Variants in TMEM131 observed in about 807,000 individuals in gnomAD.
The protein encoded by TMEM131 is transmembrane protein 131.
TMEM131 carries 66 observed loss-of-function variants against 211.6 expected under a neutral mutation model. The ratio of observed to expected loss-of-function variants is 0.31; its 90% CI spans 0.26 to 0.38. The LOEUF (loss-of-function observed/expected upper bound fraction) is 0.38. TMEM131 is among the 10% of genes least tolerant of loss of function. TMEM131 has a pLI of 1.00. For missense variants in TMEM131, 2,036 were observed against 2,299.3 expected, an observed-to-expected ratio of 0.89 and a Z score of 2.34; for synonymous variants, 844 against 841.3, an observed-to-expected ratio of 1.00 and a Z score of -0.06.
intron 1 of TMEM131, among the ~76,000 whole-genome samples, chr2:97,977,040 A>G (rs1455473951): frequency 6.6e-6 from 1 of 152,020 alleles, no homozygotes; most frequent in Non-Finnish European, 1.5e-5. Flanking sequence ...ACAGATCTAA[A>G]TGAAAGACCT....
At chr2:97,868,147 T>C (rs1027207407) in intron 4 of TMEM131, among the ~76,000 whole-genome samples, 4 of 152,184 alleles carry the variant, frequency 2.6e-5, no homozygotes, top group African/African-American at 9.7e-5. Flanking sequence ...AATTAACCCC[T>C]CTATATTTAT....
At chr2:97,905,905 C>A (rs1334024685) in intron 3 of TMEM131, among the ~76,000 whole-genome samples, 1 of 152,142 alleles carries the variant, frequency 6.6e-6, no homozygotes, top group Non-Finnish European at 1.5e-5. Context: ...ATCCTCTGGC[C>A]GTTAAACACA....
chr2:97,903,828 C>T (rs1406299627), intron 3 of TMEM131, among the ~76,000 whole-genome samples: 3 of 151,940 alleles, frequency 2.0e-5, no homozygotes, highest in East Asian at 1.9e-4. Context: ...GGATTACAGG[C>T]GCATTTTGTA....
At chr2:97,796,025 C>T (rs1238715160) in intron 28 of TMEM131, among the ~76,000 whole-genome samples, 193 bp downstream of exon 28, 1 of 150,740 alleles carries the variant, frequency 6.6e-6, no homozygotes, top group Non-Finnish European at 1.5e-5. Flanking sequence ...ATGCCTTAAC[C>T]AAAGATTAAG....
At chr2:97,979,979 C>T (rs1223769978) in intron 1 of TMEM131, among the ~76,000 whole-genome samples, 2 of 152,102 alleles carry the variant, frequency 1.3e-5, no homozygotes, top group African/African-American at 2.4e-5. Flanking sequence ...CTATTTAGTA[C>T]TACTAATTGT....
intron 4 of TMEM131, among the ~76,000 whole-genome samples, chr2:97,884,835 C>A (rs1237116336): frequency 1.3e-5 from 2 of 152,170 alleles, no homozygotes; most frequent in South Asian, 2.1e-4. Flanking sequence ...TTCTTACAGG[C>A]AGTATATAGT....
intron 3 of TMEM131, among the ~76,000 whole-genome samples, chr2:97,903,318 A>G (rs1220704045): frequency 6.6e-6 from 1 of 152,104 alleles, no homozygotes; most frequent in Non-Finnish European, 1.5e-5. Flanking sequence ...TGATGGTGAA[A>G]TACCTGGATA....
At chr2:97,786,940 A>C (rs1680278232) in intron 31 of TMEM131, among the ~76,000 whole-genome samples, 1 of 152,210 alleles carries the variant, frequency 6.6e-6, no homozygotes, top group African/African-American at 2.4e-5. Context: ...TTTCCTTCAG[A>C]ACTATATGAC....
intron 1 of TMEM131, among the ~76,000 whole-genome samples, chr2:97,956,955 G>A (rs954980108): frequency 8.6e-5 from 13 of 151,962 alleles, no homozygotes; most frequent in Non-Finnish European, 1.2e-4. Context: ...AAAATTAGCC[G>A]GTGTGGTGGC....
chr2:97,832,871 G>A (rs1682775092), intron 11 of TMEM131, among the ~76,000 whole-genome samples: 1 of 152,108 alleles, frequency 6.6e-6, no homozygotes, highest in Non-Finnish European at 1.5e-5. Context: ...AGTTTATAAT[G>A]TGCTGCCTAC....
At chr2:97,990,087 G>A (rs1277223711) in intron 1 of TMEM131, among the ~76,000 whole-genome samples, 1 of 152,166 alleles carries the variant, frequency 6.6e-6, no homozygotes, top group Non-Finnish European at 1.5e-5. Context: ...ACACCAATCT[G>A]GAGCTAAGCA....
rs1678514474 is a variant in TMEM131 at position 97,756,923 on chromosome 2, T to C, written c.*176A>G. 2 of 669,494 alleles carry C rather than the reference T, an allele frequency of 3.0e-6. No individual in the cohort carries two copies. Among genetic ancestry groups the C allele is most frequent in the Admixed American group, 3.5e-5 (1 of 28,210 alleles). 41.5% of individuals were successfully genotyped at this position (669,494 alleles called of 1,614,324 possible). ...ACAGCAAATCTCATGTTATCATAAT[T>C]GCAAGAAAGATCTGAAAGAAGCGAG... On this transcript the variant is annotated 3_prime_UTR_variant, in exon 41 of 41. Coordinates refer to ENST00000186436, the MANE Select transcript of TMEM131 (RefSeq NM_015348.2).
At chr2:97,762,248 C>A in intron 35 of TMEM131, 48 bp from the exon 36 acceptor site, 1 of 1,576,694 alleles carries the variant, frequency 6.3e-7, no homozygotes, top group Non-Finnish European at 8.7e-7. Context: ...TTTTGATTAG[C>A]GCTCTTCCAA....
chr2:97,921,819 G>A (rs1452304702), intron 2 of TMEM131, among the ~76,000 whole-genome samples: 1 of 152,132 alleles, frequency 6.6e-6, no homozygotes, highest in Non-Finnish European at 1.5e-5. Flanking sequence ...AGCTTTATGA[G>A]AAATCAGGGA....
chr2:97,841,804 C>G lies in TMEM131; in HGVS notation c.723+11G>C. The G allele has an allele frequency of 6.4e-7, 1 of 1,567,412 alleles. No homozygotes were observed. The highest frequency in any genetic ancestry group is 8.6e-7 in the Non-Finnish European group (1 of 1,157,516). Reference sequence around the variant, plus strand: ...AATGAAGCTTATTCAAAATTACCATCATAAACTCACCTGTAAAGGCTCACT... The same window carrying G: ...AATGAAGCTTATTCAAAATTACCATGATAAACTCACCTGTAAAGGCTCACT... On this transcript the variant is annotated intron_variant, in intron 7 of 40. Coordinates refer to ENST00000186436, the MANE Select transcript of TMEM131 (RefSeq NM_015348.2).
chr2:97,762,404 A>G (rs1386491009), intron 35 of TMEM131: 2 of 520,678 alleles, frequency 3.8e-6, no homozygotes, highest in Middle Eastern at 5.2e-4. Flanking sequence ...GAGGGGAGCA[A>G]GAGCGTGCCC....
chr2:97,956,193 G>A (rs540139264), intron 1 of TMEM131, among the ~76,000 whole-genome samples: 2 of 152,282 alleles, frequency 1.3e-5, no homozygotes, highest in South Asian at 2.1e-4. Flanking sequence ...CCCAGAAAGA[G>A]AGCCACACAA....
intron 1 of TMEM131, among the ~76,000 whole-genome samples, chr2:97,948,681 G>A (rs12052836): frequency 0.33 from 50,579 of 151,442 alleles, 9,289 homozygotes; most frequent in Non-Finnish European, 0.39. Flanking sequence ...TTTTTGAGAC[G>A]GAGCCTCGCG....
chr2:97,806,537 T>A (rs993510155), intron 19 of TMEM131, among the ~76,000 whole-genome samples: 1 of 152,080 alleles, frequency 6.6e-6, no homozygotes, highest in Non-Finnish European at 1.5e-5. Context: ...TGAGACTCCA[T>A]CTCAAACAAA....
Sources: gnomAD v4.1 joint callset for allele counts (sites outside exome capture counted in the v4.1 genomes callset) on GRCh38, gnomAD v4.1.1 for gene constraint, MANE v1.5 for transcripts, NCBI Gene and HGNC (gene_info 2026-07-23, HGNC 2026-07-21) for gene names.